The following ZNF184 variants were observed in gnomAD, a reference collection of about 807,000 sequenced individuals.
ZNF184 encodes the protein zinc finger protein 184, also known as zinc finger protein 184 (Kruppel-like).
In ZNF184, 16 loss-of-function variants were observed where a neutral mutation model predicts 54.4. The ratio of observed to expected loss-of-function variants is 0.29; its 90% CI spans 0.20 to 0.45. The LOEUF (loss-of-function observed/expected upper bound fraction) is 0.45. ZNF184 is among the 20% of genes least tolerant of loss of function. The pLI is 1.00. For synonymous variants in ZNF184, 254 were observed against 295.3 expected (o/e 0.86, Z 1.43); for missense variants, 681 against 888.2 (o/e 0.77, Z 2.97).
At position 27,451,300 on chromosome 6, in the gene ZNF184, T is replaced by C. The variant is rs750818256; in HGVS notation, c.*3A>G. 5.1e-6 allele frequency: 8 copies of C among 1,576,418 alleles called. No individual in the cohort carries two copies. The African/African-American group carries it at 8.2e-5, about 16-fold the overall frequency. ...CCCTAAATTTATGATGTTCCTAGAA[T>C]TGTCATATGCCAGGATGCAGTCTCT... On this transcript the variant is annotated 3_prime_UTR_variant, in exon 6 of 6. Coordinates refer to ENST00000683788, the MANE Select transcript of ZNF184 (RefSeq NM_001318891.2).
At chr6:27,455,334 G>C (rs1209465693) in intron 5 of ZNF184, among the ~76,000 whole-genome samples, 1 of 152,086 alleles carries the variant, frequency 6.6e-6, no homozygotes, top group East Asian at 1.9e-4. Flanking sequence ...ATGCAACATG[G>C]GGGTGGGGGT....
At chr6:27,467,648 T>C (rs1581589038) in intron 3 of ZNF184, among the ~76,000 whole-genome samples, 1 of 152,268 alleles carries the variant, frequency 6.6e-6, no homozygotes, top group East Asian at 1.9e-4. Context: ...CCCTGGAGCA[T>C]AGCAAGATAC....
chr6:27,416,526 C>A, the ZNF184 span, among the ~76,000 whole-genome samples: 1 of 152,182 alleles, frequency 6.6e-6, no homozygotes, highest in Non-Finnish European at 1.5e-5. Context: ...TCCTAACAAC[C>A]ATGAGAAGGA....
At chr6:27,463,058 TAAA>T (rs755524386) in intron 3 of ZNF184, among the ~76,000 whole-genome samples, 4 of 56,720 alleles carry the variant, frequency 7.1e-5, no homozygotes, top group African/African-American at 1.1e-4. Flanking sequence ...GAAAGACATT[TAAA>T]AAAAAAAAAA....
intron 2 of ZNF184, among the ~76,000 whole-genome samples, chr6:27,468,870 G>T (rs1188245976): frequency 6.6e-6 from 1 of 152,166 alleles, no homozygotes; most frequent in African/African-American, 2.4e-5. Flanking sequence ...AACTGACTGG[G>T]CAGAGGCACA....
intron 3 of ZNF184, among the ~76,000 whole-genome samples, chr6:27,467,245 C>T (rs12211424): frequency 0.095 from 14,437 of 152,184 alleles, 989 homozygotes; most frequent in Non-Finnish European, 0.13. Context: ...TTACTCATTT[C>T]ACCTTTCTTA....
At chr6:27,445,114 C>G in the ZNF184 span, among the ~76,000 whole-genome samples, 1 of 152,246 alleles carries the variant, frequency 6.6e-6, no homozygotes, top group Admixed American at 6.5e-5. Flanking sequence ...TTATACCCAA[C>G]AGAAATGAGT....
intron 3 of ZNF184, among the ~76,000 whole-genome samples, chr6:27,459,640 T>G (rs1306290894): frequency 2.6e-5 from 4 of 152,204 alleles, no homozygotes; most frequent in Non-Finnish European, 5.9e-5. Flanking sequence ...GGATACACCA[T>G]TTGATCTGGT....
At position 27,453,780 on chromosome 6, in the gene ZNF184, G is replaced by T. The variant is rs1048535351; in HGVS notation, c.299-520C>A. On this transcript the variant is annotated intron_variant, in intron 5 of 5. Coordinates refer to ENST00000683788, the MANE Select transcript of ZNF184 (RefSeq NM_001318891.2). The surrounding 1 kb of genome is among the most constrained non-coding windows in gnomAD (Gnocchi z 4.7). ...TAGTAGAGAAATAATTTAGCAGGGA[G>T]AAACTAACAAGTTCAAGTCTAGGCA... Among the ~76,000 whole-genome samples the T allele has an allele frequency of 6.6e-6, 1 of 152,186 alleles. No individual in the cohort carries two copies. Among genetic ancestry groups the T allele is most frequent in the Non-Finnish European group, 1.5e-5 (1 of 68,038 alleles).
downstream of ZNF184, among the ~76,000 whole-genome samples, chr6:27,447,053 G>T (rs1444184240): frequency 2.0e-5 from 3 of 147,002 alleles, no homozygotes; most frequent in East Asian, 4.0e-4. Context: ...GCTGAGGCAG[G>T]AGATTGTGCC....
rs1762712463 is a variant in ZNF184, at chr6:27,451,343, GA to G, written c.2215del (p.Ser739LeufsTer36). The G allele has an allele frequency of 5.0e-6, 8 of 1,613,396 alleles. No individual in the cohort carries two copies. Among genetic ancestry groups the G allele is most frequent in the Non-Finnish European group, 6.8e-6 (8 of 1,179,606 alleles). ...NDCGKSFRYR[S>X]ALNKHQRLHP... The stretch of plus-strand genomic sequence containing the variant: ...CAGTCTCTGATGTTTGTTGAGAGCA[GA>G]GCGATATCTGAAGGATTTTCCACAA... On this transcript the variant is annotated frameshift_variant, in exon 6 of 6. Coordinates refer to ENST00000683788, the MANE Select transcript of ZNF184 (RefSeq NM_001318891.2). LOFTEE classifies it high-confidence loss of function.
rs776053196 is a variant in ZNF184 at position 27,451,136 on chromosome 6, T to G, written c.*167A>C. 1.4e-6 allele frequency: 1 copy of G among 699,438 alleles called. No homozygotes were observed. Among genetic ancestry groups the G allele is most frequent in the Non-Finnish European group, 2.2e-6 (1 of 461,452 alleles). 43.3% of individuals were successfully genotyped at this position (699,438 alleles called of 1,614,324 possible). A position where few individuals can be genotyped will look rare whatever the true frequency, so the allele number is the denominator to read the frequency against. On this transcript the variant is annotated 3_prime_UTR_variant, in exon 6 of 6. Coordinates refer to ENST00000683788, the MANE Select transcript of ZNF184 (RefSeq NM_001318891.2). ...TTTCTAATGTCACAGAGTGGCTTAATAACAATTGGATTAGTTCAGCCCAAT... is the reference window on the plus strand; with the variant it reads ...TTTCTAATGTCACAGAGTGGCTTAAGAACAATTGGATTAGTTCAGCCCAAT...
chr6:27,452,843 C>T lies in ZNF184; in HGVS notation c.716G>A (p.Arg239His), dbSNP rs770736899. Residue 239 changes from arginine to histidine, a missense_variant, in exon 6 of 6, where the codon CGC becomes CAC. Physicochemically the swap from Arg to His is conservative, Grantham distance 29. Coordinates refer to ENST00000683788, the MANE Select transcript of ZNF184 (RefSeq NM_001318891.2). The surrounding 1 kb of genome is among the most constrained non-coding windows in gnomAD (Gnocchi z 5.5). Reference protein sequence around the residue: ...KAFSYCSALIRHQRTHTGEKP... With the variant: ...KAFSYCSALIHHQRTHTGEKP... ...TTCTCCAGTATGTGTTCTCTGATGG[C>T]GAATAAGAGCTGAACAATAACTAAA... 12 of 1,613,374 alleles carry T rather than the reference C, an allele frequency of 7.4e-6. No homozygotes were observed. In the Admixed American group the frequency reaches 8.3e-5, roughly 11 times the overall value.
At chr6:27,408,125 T>G in the ZNF184 span, 2 of 682,828 alleles carry the variant, frequency 2.9e-6, no homozygotes, top group Middle Eastern at 7.6e-4. Context: ...TGTAGCAGTT[T>G]GTTACACTGG....
In ZNF184 at chr6:27,452,765, A is replaced by G; in HGVS notation, c.794T>C (p.Leu265Pro). ...CEKAFSRSENLINHQRIHTGD... is the reference protein window; with the variant it reads ...CEKAFSRSENPINHQRIHTGD... ...AGTATGAATTCTTTGATGGTTTATA[A>G]GGTTTTCACTCCGGCTGAAGGCTTT... Residue 265 changes from leucine (L) to proline (P), a missense_variant, in exon 6 of 6, where the codon CTT (leucine) becomes CCT (proline). Physicochemically the swap from Leu to Pro is moderately conservative, Grantham distance 98. Transcript: ENST00000683788. The surrounding 1 kb of genome is among the most constrained non-coding windows in gnomAD (Gnocchi z 5.5). 6.2e-7 allele frequency: 1 copy of G among 1,613,878 alleles called. No homozygotes were observed. The highest frequency in any genetic ancestry group is 8.5e-7 in the Non-Finnish European group (1 of 1,179,954).
At position 27,452,092 on chromosome 6, in the gene ZNF184, A is replaced by G; in HGVS notation, c.1467T>C (p.Leu489=). 2 of 1,614,026 alleles carry G rather than the reference A, an allele frequency of 1.2e-6. No individual in the cohort carries two copies. Among genetic ancestry groups the G allele is most frequent in the Non-Finnish European group, 1.7e-6 (2 of 1,180,000 alleles). The change falls in exon 6 of 6, where the codon CTT becomes CTC. Residue 489 remains leucine (L), a synonymous_variant. Coordinates refer to ENST00000683788, the MANE Select transcript of ZNF184 (RefSeq NM_001318891.2). The surrounding 1 kb of genome is among the most constrained non-coding windows in gnomAD (Gnocchi z 5.5). ...TCGTGTGAATTCTCCGATGTTGAGTAAGGGATGAGCAGTAACTGAAGGCCT... is the reference window on the plus strand; with the variant it reads ...TCGTGTGAATTCTCCGATGTTGAGTGAGGGATGAGCAGTAACTGAAGGCCT... The part of the protein sequence containing the change: ...CGKAFSYCSS[L]TQHRRIHTRE...
intron 2 of ZNF184, among the ~76,000 whole-genome samples, chr6:27,469,988 A>AGGTAATTTC (rs138236070): frequency 6.6e-6 from 1 of 151,388 alleles, no homozygotes; most frequent in East Asian, 1.9e-4. Context: ...GACAGAACCC[A>AGGTAATTTC]AGGGAATCTA....
At chr6:27,422,920 T>C in the ZNF184 span, among the ~76,000 whole-genome samples, 1 of 152,178 alleles carries the variant, frequency 6.6e-6, no homozygotes, top group Non-Finnish European at 1.5e-5. Context: ...CTGTCGTTAT[T>C]GGGTTCATAA....
At position 27,451,173 on chromosome 6, in the gene ZNF184, T is replaced by G; in HGVS notation, c.*130A>C. On this transcript the variant is annotated 3_prime_UTR_variant, in exon 6 of 6. Transcript: ENST00000683788. ...TAGTTCAGCCCAATGTACTTTCCAT[T>G]CCATAACATGATAGTGAAAATTTAA... is the stretch of plus-strand genomic sequence containing the variant. 1 of 1,139,436 alleles carries G rather than the reference T, an allele frequency of 8.8e-7. No individual in the cohort carries two copies. Among genetic ancestry groups the G allele is most frequent in the Non-Finnish European group, 1.2e-6 (1 of 816,754 alleles). 70.6% of individuals were successfully genotyped at this position (1,139,436 alleles called of 1,614,324 possible).
Sources: allele counts gnomAD v4.1 joint callset (sites outside exome capture counted in the v4.1 genomes callset), GRCh38; gene constraint gnomAD v4.1.1; non-coding constraint Gnocchi (gnomAD v3.1); transcripts MANE v1.5; gene names NCBI Gene and HGNC (gene_info 2026-07-23, HGNC 2026-07-21).